The following NKIRAS1 variants were observed in gnomAD, a reference collection of about 807,000 sequenced individuals.
NKIRAS1 encodes NF-kappa-B inhibitor-interacting Ras-like protein 1.
A neutral mutation model predicts 19.8 loss-of-function variants in NKIRAS1; 16 were observed. The observed-to-expected ratio is 0.81, with a 90% CI of 0.55 to 1.23. The LOEUF (loss-of-function observed/expected upper bound fraction) is 1.23, where lower values mean the gene tolerates loss of function less well. NKIRAS1 is among the 50% of genes most tolerant of loss of function. The pLI is 0.00. For synonymous variants in NKIRAS1, 88 were observed against 79.0 expected, an observed-to-expected ratio of 1.11 and a Z score of -0.61; for missense variants, 184 against 220.0, an observed-to-expected ratio of 0.84 and a Z score of 1.04.
chr3:23,939,536 G>C (rs960020446), intron 1 of NKIRAS1, among the ~76,000 whole-genome samples: 1 of 152,214 alleles, frequency 6.6e-6, no homozygotes, highest in Non-Finnish European at 1.5e-5. Flanking sequence ...GAGGCCAGGA[G>C]TTCGAGAACA....
intron 1 of NKIRAS1, among the ~76,000 whole-genome samples, chr3:23,925,022 G>C (rs1705187419): frequency 6.6e-6 from 1 of 152,206 alleles, no homozygotes; most frequent in Non-Finnish European, 1.5e-5. Context: ...AGGGCAAAGA[G>C]CATGGCGTAG....
At position 23,938,511 on chromosome 3, in the gene NKIRAS1, C is replaced by T. The variant is rs75366398; in HGVS notation, c.-140+7812G>A. On this transcript the variant is annotated intron_variant, in intron 1 of 4. Coordinates refer to the NKIRAS1 transcript ENST00000421515. Reference sequence around the variant, plus strand: ...ACAGGTGTGAGCCACCATGCCCAGCCATGTTAAAATTTTAACAAAGTAATG... The same window carrying T: ...ACAGGTGTGAGCCACCATGCCCAGCTATGTTAAAATTTTAACAAAGTAATG... Among the ~76,000 whole-genome samples, 93 of 152,298 alleles carry T rather than the reference C, an allele frequency of 6.1e-4. 1 individual carries two copies. In the East Asian group the frequency reaches 0.017, roughly 27 times the overall value.
intron 4 of NKIRAS1, among the ~76,000 whole-genome samples, chr3:23,899,707 T>C (rs987273161): frequency 6.6e-6 from 1 of 152,156 alleles, no homozygotes; most frequent in African/African-American, 2.4e-5. Context: ...AAAGATGAGA[T>C]GAAAAGGACA....
chr3:23,945,927 T>G (rs1705674001), intron 1 of NKIRAS1, among the ~76,000 whole-genome samples: 2 of 147,480 alleles, frequency 1.4e-5, no homozygotes, highest in Non-Finnish European at 3.0e-5. Context: ...TGACGCGGCA[T>G]TACATAATGG....
intron 1 of NKIRAS1, among the ~76,000 whole-genome samples, chr3:23,945,916 G>C (rs908240837): frequency 6.6e-6 from 1 of 150,886 alleles, no homozygotes; most frequent in African/African-American, 2.4e-5. Flanking sequence ...GGGCGGGCGC[G>C]TGACGCGGCA....
intron 4 of NKIRAS1, among the ~76,000 whole-genome samples, chr3:23,893,798 C>CAAAAAAAA (rs58905555): frequency 1.2e-5 from 1 of 81,534 alleles, no homozygotes; most frequent in African/African-American, 4.9e-5. Context: ...GACTCCATCT[C>CAAAAAAAA]AAAAAAAAAA....
chr3:23,921,756 G>T (rs1330163873), upstream of NKIRAS1: 4 of 604,288 alleles, frequency 6.6e-6, no homozygotes, highest in East Asian at 1.1e-4. Flanking sequence ...TGTATTTTTA[G>T]TAGAGACTGG....
At chr3:23,924,554 G>A (rs911668121) in intron 1 of NKIRAS1, among the ~76,000 whole-genome samples, 3 of 152,018 alleles carry the variant, frequency 2.0e-5, no homozygotes, top group East Asian at 1.9e-4. Context: ...ACAGGTGTGC[G>A]CCACTACTAA....
At chr3:23,937,746 TA>T (rs952867068) in intron 1 of NKIRAS1, among the ~76,000 whole-genome samples, 5 of 152,152 alleles carry the variant, frequency 3.3e-5, no homozygotes, top group African/African-American at 1.2e-4. Context: ...ATGCAGCACT[TA>T]AAAAAATTCA....
chr3:23,940,861 G>A (rs2125271477), intron 1 of NKIRAS1, among the ~76,000 whole-genome samples: 1 of 152,250 alleles, frequency 6.6e-6, no homozygotes, highest in South Asian at 2.1e-4. Context: ...CATGATGAAC[G>A]GCAACTGCAA....
At chr3:23,920,238 A>T (rs1704999192), upstream of NKIRAS1, 1 of 985,662 alleles carries the variant, frequency 1.0e-6, no homozygotes, top group Non-Finnish European at 1.2e-6. Context: ...GCTAATTGTG[A>T]TCATTATGAA....
intron 1 of NKIRAS1, among the ~76,000 whole-genome samples, chr3:23,930,470 A>C (rs1051517482): frequency 6.6e-6 from 1 of 151,088 alleles, no homozygotes; most frequent in African/African-American, 2.4e-5. Context: ...AGCCGCCAAA[A>C]AAAAGGACAA....
At chr3:23,945,655 C>T (rs2125275711) in intron 1 of NKIRAS1, 8 of 871,072 alleles carry the variant, frequency 9.2e-6, no homozygotes, top group South Asian at 5.4e-5. Context: ...GCCCGCGGGG[C>T]ACTTTGGGGG....
At chr3:23,921,569 A>C, upstream of NKIRAS1, 1 of 512,710 alleles carries the variant, frequency 2.0e-6, no homozygotes, top group Non-Finnish European at 3.4e-6. Flanking sequence ...TTGATTATTG[A>C]GTTTTTTTTT....
upstream of NKIRAS1, chr3:23,917,748 C>T (rs34958485): frequency 5.0e-6 from 6 of 1,202,272 alleles, no homozygotes; most frequent in African/African-American, 4.6e-5. Context: ...ATTTTCATTC[C>T]CGGCGGTTTC....
chr3:23,896,914 G>T (rs894878688), intron 4 of NKIRAS1, among the ~76,000 whole-genome samples: 57 of 151,940 alleles, frequency 3.8e-4, no homozygotes, highest in African/African-American at 1.3e-3. Context: ...TGTGAGAAAG[G>T]GAAAAAAGGC....
At chr3:23,942,683 G>A (rs919960487) in intron 1 of NKIRAS1, among the ~76,000 whole-genome samples, 9 of 151,910 alleles carry the variant, frequency 5.9e-5, no homozygotes, top group Non-Finnish European at 8.8e-5. Context: ...TGCCGTCCTC[G>A]GCCTCCCAAA....
intron 1 of NKIRAS1, among the ~76,000 whole-genome samples, chr3:23,943,336 G>A (rs541355752): frequency 1.3e-5 from 2 of 152,286 alleles, no homozygotes; most frequent in East Asian, 3.9e-4. Flanking sequence ...GGGTTCAAGC[G>A]ATTCTCCTGC....
intron 1 of NKIRAS1, chr3:23,923,538 A>G (rs971179992): frequency 2.6e-5 from 4 of 152,152 alleles, no homozygotes; most frequent in African/African-American, 9.7e-5. Flanking sequence ...TTCTTTTGGT[A>G]TAACTGCATG....
Sources: allele counts gnomAD v4.1 joint callset (sites outside exome capture counted in the v4.1 genomes callset), GRCh38; gene constraint gnomAD v4.1.1; transcripts MANE v1.5; gene names NCBI Gene and HGNC (gene_info 2026-07-23, HGNC 2026-07-21).